The following PLPP3 variants were observed in gnomAD, a reference collection of about 807,000 sequenced individuals.
The protein encoded by PLPP3 is PAP2 beta.
In PLPP3, 6 loss-of-function variants were observed where a neutral mutation model predicts 29.6. The observed-to-expected ratio is 0.20, with a 90% CI of 0.11 to 0.40. The LOEUF (loss-of-function observed/expected upper bound fraction) is 0.40, where lower values mean the gene tolerates loss of function less well. Ranked by LOEUF, PLPP3 falls within the 10% of genes least tolerant of loss-of-function variation. The probability of loss-of-function intolerance (pLI) is 1.00; values close to 1 mark genes in which losing one functional copy is unlikely to be tolerated. For synonymous variants in PLPP3, 152 were observed against 159.7 expected (o/e 0.95, Z 0.36); for missense variants, 308 against 407.7 (o/e 0.76, Z 2.11).
chr1:56,543,748 C>T (rs2100274234), intron 1 of PLPP3, among the ~76,000 whole-genome samples: 1 of 152,300 alleles, frequency 6.6e-6, no homozygotes. Context: ...TTGCTGTTGG[C>T]TGGTGTGAAC....
At chr1:56,525,061 A>G (rs1473767576) in intron 2 of PLPP3, among the ~76,000 whole-genome samples, 1 of 152,098 alleles carries the variant, frequency 6.6e-6, no homozygotes, top group Non-Finnish European at 1.5e-5. Flanking sequence ...AGCTGGACAC[A>G]CCATGGTTAA....
intron 2 of PLPP3, among the ~76,000 whole-genome samples, chr1:56,532,611 C>T (rs574694586): frequency 2.6e-5 from 4 of 152,236 alleles, no homozygotes; most frequent in East Asian, 1.9e-4. Flanking sequence ...AGAGTGTGTT[C>T]CCATGTGCCT....
At chr1:56,568,074 A>C (rs1646173474) in intron 1 of PLPP3, among the ~76,000 whole-genome samples, 1 of 152,224 alleles carries the variant, frequency 6.6e-6, no homozygotes, top group Non-Finnish European at 1.5e-5. Context: ...CTTACATGAA[A>C]TATTCAGAAC....
chr1:56,562,413 T>A (rs1238959358), intron 1 of PLPP3, among the ~76,000 whole-genome samples: 1 of 152,156 alleles, frequency 6.6e-6, no homozygotes, highest in African/African-American at 2.4e-5. Context: ...AAATAAAATC[T>A]GTAAAGACAT....
At position 56,579,282 on chromosome 1, in the gene PLPP3, C is replaced by G. The variant is rs1001865300; in HGVS notation, c.-266G>C. On this transcript the variant is annotated 5_prime_UTR_variant, in exon 1 of 6. Coordinates refer to ENST00000371250, the MANE Select transcript of PLPP3 (RefSeq NM_003713.5). ...GTCCAAGGGGAAGAGAGCCAGATCCCGAGCAGAAACTTTTGCAGAGCTGCG... is the reference window on the plus strand; with the variant it reads ...GTCCAAGGGGAAGAGAGCCAGATCCGGAGCAGAAACTTTTGCAGAGCTGCG... The G allele has an allele frequency of 4.7e-6, 2 of 428,368 alleles. No homozygotes were observed. The highest frequency in any genetic ancestry group is 4.3e-5 in the African/African-American group (2 of 46,714). 26.5% of individuals were successfully genotyped at this position (428,368 alleles called of 1,614,324 possible). A position where few individuals can be genotyped will look rare whatever the true frequency, so the allele number is the denominator to read the frequency against.
chr1:56,526,588 A>G (rs147675480), intron 2 of PLPP3, among the ~76,000 whole-genome samples: 1 of 152,292 alleles, frequency 6.6e-6, no homozygotes, highest in African/African-American at 2.4e-5. Flanking sequence ...TATAAGTCAT[A>G]TGAGATTTTT....
intron 5 of PLPP3, among the ~76,000 whole-genome samples, chr1:56,510,519 C>A (rs1289759402): frequency 6.6e-6 from 1 of 152,234 alleles, no homozygotes; most frequent in Non-Finnish European, 1.5e-5. Context: ...CTCTTCTTGA[C>A]CCCTGCACAT....
intron 1 of PLPP3, among the ~76,000 whole-genome samples, chr1:56,578,384 C>G (rs150313902): frequency 2.6e-5 from 4 of 152,266 alleles, no homozygotes; most frequent in African/African-American, 9.6e-5. Context: ...GCCAGTCTGG[C>G]GAGCCTGGGC....
chr1:56,578,776 ACGGCGCGGCGCGGCG>A (rs558546484), intron 1 of PLPP3, 87 bp downstream of exon 1: 4 of 1,218,314 alleles, frequency 3.3e-6, no homozygotes, highest in East Asian at 3.5e-5. Flanking sequence ...CCCGGAGCTG[ACGGCGCGGCGCGGCG>A]CGGCGCTGCG....
chr1:56,579,311 C>G lies in PLPP3; in HGVS notation c.-295G>C. 8.3e-6 allele frequency: 3 copies of G among 361,982 alleles called. No individual in the cohort carries two copies. The highest frequency in any genetic ancestry group is 1.5e-5 in the Non-Finnish European group (3 of 200,894). The allele number at this position is 361,982 out of a possible 1,614,324, so 22.4% of individuals were successfully genotyped here. A position where few individuals can be genotyped will look rare whatever the true frequency, so the allele number is the denominator to read the frequency against. ...CAGAAACTTTTGCAGAGCTGCGCAG[C>G]TTGGGGCGCGCTGTTGTGGCGCGCG... On this transcript the variant is annotated 5_prime_UTR_variant, in exon 1 of 6. Transcript: ENST00000371250.
chr1:56,544,978 T>TA (rs1293972488), intron 1 of PLPP3, among the ~76,000 whole-genome samples: 7 of 152,214 alleles, frequency 4.6e-5, no homozygotes, highest in African/African-American at 1.7e-4. Context: ...AGCTCTTACA[T>TA]AAATCATCAC....
At chr1:56,567,740 C>G (rs1304425812) in intron 1 of PLPP3, among the ~76,000 whole-genome samples, 1 of 151,834 alleles carries the variant, frequency 6.6e-6, no homozygotes, top group East Asian at 1.9e-4. Flanking sequence ...CAACGGAAAA[C>G]AGTTTGGCAG....
At chr1:56,499,095 C>G (rs927684815) in intron 5 of PLPP3, among the ~76,000 whole-genome samples, 2 of 145,870 alleles carry the variant, frequency 1.4e-5, no homozygotes, top group African/African-American at 5.0e-5. Flanking sequence ...ACCTTCCCCC[C>G]TTCAAGATCT....
chr1:56,575,795 TA>T (rs150890083), intron 1 of PLPP3, among the ~76,000 whole-genome samples: 1 of 152,176 alleles, frequency 6.6e-6, no homozygotes, highest in Non-Finnish European at 1.5e-5. Context: ...TGAATTTATA[TA>T]AAAAAGAGAC....
At position 56,541,511 on chromosome 1, in the gene PLPP3, T is replaced by C. The variant is rs553916193; in HGVS notation, c.140-4399A>G. Among the ~76,000 whole-genome samples, 129 of 152,232 alleles carry C rather than the reference T, an allele frequency of 8.5e-4. 2 individuals carry two copies. The highest frequency in any genetic ancestry group is 3.1e-3 in the African/African-American group (127 of 41,542). On this transcript the variant is annotated intron_variant, in intron 1 of 5. Coordinates refer to ENST00000371250, the MANE Select transcript of PLPP3 (RefSeq NM_003713.5). ...ACAGTCTAGGCATTGACTGGGCCAC[T>C]GAAATGAAAGAGGCTACGTTCCAAC...
intron 2 of PLPP3, among the ~76,000 whole-genome samples, chr1:56,535,594 G>A (rs1645921249): frequency 6.6e-6 from 1 of 152,126 alleles, no homozygotes; most frequent in Non-Finnish European, 1.5e-5. Flanking sequence ...CCACAATGAA[G>A]CTCTCAATAG....
At chr1:56,512,857 G>T (rs1174964984) in intron 4 of PLPP3, 1 of 152,040 alleles carries the variant, frequency 6.6e-6, no homozygotes, top group Non-Finnish European at 1.5e-5. Flanking sequence ...GGCTTGTAAA[G>T]GTTTCTTTTT....
chr1:56,506,267 A>T (rs1456041632), intron 5 of PLPP3, among the ~76,000 whole-genome samples: 1 of 152,158 alleles, frequency 6.6e-6, no homozygotes, highest in Non-Finnish European at 1.5e-5. Context: ...CTACTCTGCT[A>T]CTATGTGTCC....
At chr1:56,567,300 G>A (rs1199061062) in intron 1 of PLPP3, among the ~76,000 whole-genome samples, 4 of 151,772 alleles carry the variant, frequency 2.6e-5, no homozygotes, top group Non-Finnish European at 5.9e-5. Flanking sequence ...ACAAAGTGAC[G>A]CTTTAGTGGT....
Sources: allele counts gnomAD v4.1 joint callset (sites outside exome capture counted in the v4.1 genomes callset), GRCh38; gene constraint gnomAD v4.1.1; transcripts MANE v1.5; gene names NCBI Gene and HGNC (gene_info 2026-07-23, HGNC 2026-07-21).